RAI14: variants seen among roughly 807,000 people sequenced by gnomAD.
RAI14 encodes the protein retinoic acid induced 14.
Under a neutral mutation model 115.4 loss-of-function variants are expected in RAI14, and 45 were observed. The observed-to-expected ratio is 0.39, with a 90% CI of 0.31 to 0.50. RAI14 has a LOEUF of 0.50. Among genes scored for constraint, RAI14 ranks in the 20% least tolerant of loss-of-function variants. The pLI is 0.85. For synonymous variants in RAI14, 371 were observed against 415.4 expected (o/e 0.89, Z 1.30); for missense variants, 939 against 1,131.2 (o/e 0.83, Z 2.44).
chr5:34,711,482 G>A lies in RAI14; in HGVS notation c.36+24527G>A, dbSNP rs565001938. ...CAATGGTGGAATGTCATCAGTTAAG[G>A]TTATTTTTACTTCTTTTGTGGATCT... On this transcript the variant is annotated intron_variant, in intron 2 of 17. Coordinates refer to ENST00000265109, the MANE Select transcript of RAI14 (RefSeq NM_015577.3). Among the ~76,000 whole-genome samples the A allele has an allele frequency of 8.3e-4, 126 of 152,318 alleles. 1 individual carries two copies. Among genetic ancestry groups the A allele is most frequent in the South Asian group, 6.0e-3 (29 of 4,828 alleles).
At chr5:34,707,963 CA>C (rs1175752690) in intron 2 of RAI14, among the ~76,000 whole-genome samples, 2 of 152,000 alleles carry the variant, frequency 1.3e-5, no homozygotes, top group African/African-American at 4.8e-5. Flanking sequence ...AATGTTGATA[CA>C]GGGGCGGGAA....
At position 34,830,871 on chromosome 5, in the gene RAI14, C is replaced by A; in HGVS notation, c.*106C>A. On this transcript the variant is annotated 3_prime_UTR_variant, in exon 18 of 18. Coordinates refer to ENST00000265109, the MANE Select transcript of RAI14 (RefSeq NM_015577.3). ...TTCTCATTCGTGGTATGCACTGTGG[C>A]CTAGCGTAGCTTCTTCCCTTTCCAA... The A allele has an allele frequency of 6.5e-7, 1 of 1,534,436 alleles. No homozygotes were observed. The highest frequency in any genetic ancestry group is 8.8e-7 in the Non-Finnish European group (1 of 1,139,906).
intron 3 of RAI14, among the ~76,000 whole-genome samples, chr5:34,768,989 A>C (rs1449192593): frequency 5.1e-5 from 7 of 137,538 alleles, no homozygotes. Context: ...ACCCAGTCTC[A>C]AAAAAAAAAA....
At chr5:34,692,519 G>C (rs1738761255) in intron 2 of RAI14, among the ~76,000 whole-genome samples, 1 of 152,112 alleles carries the variant, frequency 6.6e-6, no homozygotes, top group East Asian at 1.9e-4. Context: ...GGGCGATAGA[G>C]CGAGACTCCA....
intron 1 of RAI14, among the ~76,000 whole-genome samples, chr5:34,680,611 A>G (rs1436904619): frequency 1.3e-5 from 2 of 152,178 alleles, no homozygotes. Context: ...GGGAGATTGA[A>G]CAGGTGTCAG....
intron 16 of RAI14, among the ~76,000 whole-genome samples, chr5:34,828,736 G>A (rs1757706384): frequency 6.6e-6 from 1 of 152,100 alleles, no homozygotes; most frequent in Non-Finnish European, 1.5e-5. Flanking sequence ...CCACTGAGAG[G>A]AACTGGAGTA....
At chr5:34,781,443 T>A (rs993632532) in intron 3 of RAI14, among the ~76,000 whole-genome samples, 1 of 152,216 alleles carries the variant, frequency 6.6e-6, no homozygotes, top group Non-Finnish European at 1.5e-5. Flanking sequence ...TTGCATTCAC[T>A]CTGTTATATT....
intron 3 of RAI14, among the ~76,000 whole-genome samples, chr5:34,779,165 A>C (rs993201940): frequency 6.6e-6 from 1 of 152,218 alleles, no homozygotes; most frequent in Non-Finnish European, 1.5e-5. Flanking sequence ...CTTTGAAAAA[A>C]TCAACAGCCC....
At chr5:34,774,458 T>C (rs771851631) in intron 3 of RAI14, among the ~76,000 whole-genome samples, 1 of 152,146 alleles carries the variant, frequency 6.6e-6, no homozygotes, top group Non-Finnish European at 1.5e-5. Context: ...GTAGCATTTC[T>C]ATATGCCAAC....
intron 2 of RAI14, among the ~76,000 whole-genome samples, chr5:34,756,684 T>C (rs896898274): frequency 6.6e-6 from 1 of 152,252 alleles, no homozygotes; most frequent in African/African-American, 2.4e-5. Context: ...GGCTCACTGC[T>C]GCCTTTCATG....
At position 34,810,892 on chromosome 5, in the gene RAI14, T is replaced by C; in HGVS notation, c.451-120T>C. ...GTACAGAATATCAGGTTGGACCAGA[T>C]ACTAGATCAGCAGTCAGCAGTCCAA... On this transcript the variant is annotated intron_variant, in intron 7 of 17. Transcript: ENST00000265109. 2.0e-6 allele frequency: 3 copies of C among 1,469,126 alleles called. No individual in the cohort carries two copies. In the South Asian group the frequency reaches 3.9e-5, roughly 19 times the overall value. 91.0% of individuals were successfully genotyped at this position (1,469,126 alleles called of 1,614,324 possible).
At chr5:34,829,592 ATT>A (rs1757817518) in intron 16 of RAI14, 138 bp from the exon 17 acceptor site, 1 of 591,594 alleles carries the variant, frequency 1.7e-6, no homozygotes, top group Non-Finnish European at 2.9e-6. Flanking sequence ...GGCCACAACA[ATT>A]TTAGAAGCTT....
intron 1 of RAI14, among the ~76,000 whole-genome samples, chr5:34,683,959 C>T (rs566311805): frequency 1.3e-5 from 2 of 152,284 alleles, no homozygotes; most frequent in East Asian, 3.9e-4. Flanking sequence ...GATTTCCTGA[C>T]CTTGTGTTCC....
At chr5:34,764,570 T>A (rs164313) in intron 3 of RAI14, among the ~76,000 whole-genome samples, 70,609 of 150,220 alleles carry the variant, frequency 0.47, 19,876 homozygotes, top group African/African-American at 0.8. Flanking sequence ...TCTCTCTCTC[T>A]CACACACAAA....
At chr5:34,659,635 A>G (rs113386253) in intron 1 of RAI14, among the ~76,000 whole-genome samples, 7 of 152,248 alleles carry the variant, frequency 4.6e-5, no homozygotes, top group African/African-American at 4.8e-5. Context: ...TTTTTACTAT[A>G]ACAGTTTGTA....
intron 2 of RAI14, among the ~76,000 whole-genome samples, chr5:34,703,172 G>A (rs547516673): frequency 2.6e-5 from 4 of 152,188 alleles, no homozygotes; most frequent in South Asian, 4.2e-4. Context: ...GGGAAAATGC[G>A]TATAATAAAA....
At chr5:34,767,136 T>G (rs1749495579) in intron 3 of RAI14, among the ~76,000 whole-genome samples, 1 of 152,208 alleles carries the variant, frequency 6.6e-6, no homozygotes, top group African/African-American at 2.4e-5. Flanking sequence ...AACAGACTAA[T>G]ACAATTGCTA....
chr5:34,723,265 A>G (rs985629410), intron 2 of RAI14, among the ~76,000 whole-genome samples: 1 of 151,282 alleles, frequency 6.6e-6, no homozygotes, highest in African/African-American at 2.4e-5. Flanking sequence ...CTATAGAGAG[A>G]AAAAAAAAGG....
intron 2 of RAI14, among the ~76,000 whole-genome samples, chr5:34,708,582 C>A (rs1741015931): frequency 6.6e-6 from 1 of 152,090 alleles, no homozygotes; most frequent in Non-Finnish European, 1.5e-5. Context: ...AACTAATTAG[C>A]CTGCGTCTTT....
Sources: gnomAD v4.1 joint callset for allele counts (sites outside exome capture counted in the v4.1 genomes callset) on GRCh38, gnomAD v4.1.1 for gene constraint, MANE v1.5 for transcripts, NCBI Gene and HGNC (gene_info 2026-07-23, HGNC 2026-07-21) for gene names.